The following PCDH7 variants were observed in gnomAD, a reference collection of about 807,000 sequenced individuals.
The protein encoded by PCDH7 is protocadherin 7, also known as protocadherin-7.
PCDH7 carries 17 observed loss-of-function variants against 58.9 expected under a neutral mutation model. That is an observed-to-expected ratio of 0.29 (90% CI 0.20 to 0.43). The LOEUF is 0.43. Ranked by LOEUF, PCDH7 falls within the 20% of genes least tolerant of loss-of-function variation. The probability of loss-of-function intolerance (pLI) is 1.00; values close to 1 mark genes in which losing one functional copy is unlikely to be tolerated. For synonymous variants in PCDH7, 664 were observed against 616.4 expected (o/e 1.08, Z -1.14); for missense variants, 1,274 against 1,441.0 (o/e 0.88, Z 1.88).
intron 1 of PCDH7, among the ~76,000 whole-genome samples, chr4:30,842,059 G>A (rs1283662558): frequency 1.3e-5 from 2 of 152,240 alleles, no homozygotes; most frequent in Middle Eastern, 3.4e-3. Context: ...TGGGTATGAG[G>A]ATGAGAGGAG....
chr4:31,126,014 T>C (rs1342089437), intron 3 of PCDH7, among the ~76,000 whole-genome samples: 1 of 152,174 alleles, frequency 6.6e-6, no homozygotes, highest in African/African-American at 2.4e-5. Flanking sequence ...ACTCAGCAGA[T>C]GCAAGCTCTT....
intron 1 of PCDH7, among the ~76,000 whole-genome samples, chr4:30,856,644 G>A (rs1367658928): frequency 6.7e-6 from 1 of 150,202 alleles, no homozygotes; most frequent in Non-Finnish European, 1.5e-5. Flanking sequence ...AAATATAACT[G>A]TGAAGTGAAT....
chr4:30,959,152 T>C (rs1470802888), intron 3 of PCDH7, among the ~76,000 whole-genome samples: 2 of 152,132 alleles, frequency 1.3e-5, no homozygotes, highest in African/African-American at 4.8e-5. Context: ...TACCTGCAAT[T>C]GTATTTATGA....
At chr4:30,955,224 C>T (rs1747727125) in intron 3 of PCDH7, among the ~76,000 whole-genome samples, 1 of 151,950 alleles carries the variant, frequency 6.6e-6, no homozygotes, top group South Asian at 2.1e-4. Flanking sequence ...GAGAGGACAG[C>T]CTCTTTAGAT....
chr4:31,006,087 A>G (rs972794366), intron 3 of PCDH7, among the ~76,000 whole-genome samples: 1 of 152,228 alleles, frequency 6.6e-6, no homozygotes, highest in Non-Finnish European at 1.5e-5. Context: ...ATAAAGGGCT[A>G]AATAAATTTT....
chr4:31,061,739 G>T (rs756701804), intron 3 of PCDH7, among the ~76,000 whole-genome samples: 1 of 151,642 alleles, frequency 6.6e-6, no homozygotes, highest in Non-Finnish European at 1.5e-5. Flanking sequence ...TGCAACTCCT[G>T]TAATATTCAA....
intron 3 of PCDH7, among the ~76,000 whole-genome samples, chr4:31,073,980 T>C (rs1234208761): frequency 6.6e-6 from 1 of 151,842 alleles, no homozygotes; most frequent in Non-Finnish European, 1.5e-5. Context: ...TTCTAGCTAT[T>C]TTTTCAAACA....
At chr4:31,009,587 A>T (rs1753023208) in intron 3 of PCDH7, among the ~76,000 whole-genome samples, 1 of 151,960 alleles carries the variant, frequency 6.6e-6, no homozygotes, top group African/African-American at 2.4e-5. Context: ...TGTGACTTAG[A>T]TATGTCATTA....
At chr4:31,084,547 T>C (rs1227776355) in intron 3 of PCDH7, among the ~76,000 whole-genome samples, 2 of 150,862 alleles carry the variant, frequency 1.3e-5, no homozygotes, top group African/African-American at 4.9e-5. Flanking sequence ...ACAGGAAGCA[T>C]GGTGCCTGCA....
chr4:30,746,225 TTCTA>T (rs1157082866), intron 1 of PCDH7, among the ~76,000 whole-genome samples: 1 of 152,216 alleles, frequency 6.6e-6, no homozygotes, highest in Non-Finnish European at 1.5e-5. Context: ...AAAATTATAT[TTCTA>T]TCTTTTATGA....
chr4:31,081,625 G>C (rs1759516018), intron 3 of PCDH7, among the ~76,000 whole-genome samples: 1 of 152,124 alleles, frequency 6.6e-6, no homozygotes, highest in Admixed American at 6.5e-5. Flanking sequence ...CAAGATAGCT[G>C]AGATTATGTG....
At chr4:30,853,886 C>CTAAGAGA (rs1382491623) in intron 1 of PCDH7, among the ~76,000 whole-genome samples, 1 of 151,978 alleles carries the variant, frequency 6.6e-6, no homozygotes, top group Non-Finnish European at 1.5e-5. Context: ...GAATGAGCTC[C>CTAAGAGA]TAAGAGACTA....
chr4:31,032,208 G>A (rs1754985277), intron 3 of PCDH7, among the ~76,000 whole-genome samples: 2 of 152,172 alleles, frequency 1.3e-5, no homozygotes, highest in Non-Finnish European at 2.9e-5. Flanking sequence ...GATTATATTT[G>A]TATAAATTAT....
chr4:30,944,119 T>C (rs1467607356), intron 2 of PCDH7, among the ~76,000 whole-genome samples: 1 of 152,076 alleles, frequency 6.6e-6, no homozygotes, highest in Admixed American at 6.6e-5. Flanking sequence ...TAGGATATCA[T>C]TTGCTCTTTC....
At chr4:30,876,240 T>A (rs1736267834) in intron 1 of PCDH7, among the ~76,000 whole-genome samples, 1 of 152,120 alleles carries the variant, frequency 6.6e-6, no homozygotes. Flanking sequence ...GGAAAACATA[T>A]CAGAATGGAA....
chr4:30,765,172 A>G (rs1348570320), intron 1 of PCDH7, among the ~76,000 whole-genome samples: 1 of 135,078 alleles, frequency 7.4e-6, no homozygotes, highest in African/African-American at 2.9e-5. Flanking sequence ...GGAAAGTAGC[A>G]CTTATGAGTT....
chr4:31,100,198 G>C (rs1307313368), intron 3 of PCDH7, among the ~76,000 whole-genome samples: 1 of 152,136 alleles, frequency 6.6e-6, no homozygotes, highest in Non-Finnish European at 1.5e-5. Context: ...GTAGTTGAAG[G>C]ATAAAAAAGA....
At chr4:31,045,155 A>G (rs1756179470) in intron 3 of PCDH7, among the ~76,000 whole-genome samples, 1 of 152,086 alleles carries the variant, frequency 6.6e-6, no homozygotes, top group African/African-American at 2.4e-5. Context: ...GTGACTTTAG[A>G]AAATAAAATT....
At chr4:31,069,842 TTATA>T (rs201879241) in intron 3 of PCDH7, among the ~76,000 whole-genome samples, 2,892 of 91,386 alleles carry the variant, frequency 0.032, 95 homozygotes, top group African/African-American at 0.11. Context: ...AATATATATT[TTATA>T]TATAAATTAA....
Sources: gnomAD v4.1 joint callset for allele counts (sites outside exome capture counted in the v4.1 genomes callset) on GRCh38, gnomAD v4.1.1 for gene constraint, MANE v1.5 for transcripts, NCBI Gene and HGNC (gene_info 2026-07-23, HGNC 2026-07-21) for gene names.